Variants in ORC4 observed in about 807,000 individuals in gnomAD.
The protein encoded by ORC4 is origin recognition complex, subunit 4 homolog.
In ORC4, 55 loss-of-function variants were observed where a neutral mutation model predicts 63.9. The ratio of observed to expected loss-of-function variants is 0.86; its 90% CI spans 0.69 to 1.08. ORC4 has a LOEUF of 1.08. ORC4 is among the 50% of genes least tolerant of loss of function. ORC4 has a pLI of 0.00. For missense variants in ORC4, 511 were observed against 504.4 expected (o/e 1.01, Z -0.13); for synonymous variants, 150 against 168.5 (o/e 0.89, Z 0.85).
At chr2:148,000,940 C>T (rs571431284) in intron 1 of ORC4, among the ~76,000 whole-genome samples, 2 of 151,946 alleles carry the variant, frequency 1.3e-5, no homozygotes, top group South Asian at 2.1e-4. Flanking sequence ...AGAGATAATG[C>T]CTAAAACTGA....
At position 147,972,741 on chromosome 2, in the gene ORC4, T is replaced by C. The variant is rs754030709; in HGVS notation, c.223A>G (p.Met75Val). Residue 75 changes from methionine to valine, a missense_variant and splice_region_variant, in exon 4 of 14, where the codon ATG becomes GTG. Transcript: ENST00000392857. ...IIGPRGSGKT[M>V]LINHALKELM... is the part of the protein sequence containing the mutation. ...CACCAGAAATCAACAGCTTTTACCA[T>C]AGTTTTTCCTGATCCTCGGGGTCCG... 4.4e-6 allele frequency: 7 copies of C among 1,600,140 alleles called. No homozygotes were observed. The highest frequency in any genetic ancestry group is 1.7e-5 in the Admixed American group (1 of 59,900).
chr2:147,974,997 C>T (rs1038031785), intron 2 of ORC4, among the ~76,000 whole-genome samples: 4 of 151,978 alleles, frequency 2.6e-5, no homozygotes, highest in Admixed American at 6.6e-5. Flanking sequence ...ATGGAGGATT[C>T]GTGCACTTTA....
At chr2:147,940,575 A>C (rs1444281715) in intron 10 of ORC4, among the ~76,000 whole-genome samples, 1 of 152,084 alleles carries the variant, frequency 6.6e-6, no homozygotes, top group East Asian at 1.9e-4. Flanking sequence ...TGTGGTATAT[A>C]TATACTATGG....
intron 1 of ORC4, among the ~76,000 whole-genome samples, chr2:147,998,632 C>A (rs1448684693): frequency 6.6e-6 from 1 of 152,172 alleles, no homozygotes; most frequent in Non-Finnish European, 1.5e-5. Flanking sequence ...ACTTCTCAGT[C>A]TGCAGAACTG....
intron 1 of ORC4, among the ~76,000 whole-genome samples, chr2:147,989,976 G>A (rs562031155): frequency 6.0e-4 from 92 of 152,102 alleles, no homozygotes; most frequent in Non-Finnish European, 1.1e-3. Flanking sequence ...AGCAGATGGG[G>A]GCATTACTTT....
At chr2:147,954,788 T>C (rs1291156179) in intron 7 of ORC4, among the ~76,000 whole-genome samples, 1 of 152,124 alleles carries the variant, frequency 6.6e-6, no homozygotes, top group Non-Finnish European at 1.5e-5. Context: ...AACATAAAAA[T>C]AATAATTGTT....
intron 1 of ORC4, among the ~76,000 whole-genome samples, chr2:147,982,354 G>T (rs1355551674): frequency 6.6e-6 from 1 of 152,114 alleles, no homozygotes; most frequent in Non-Finnish European, 1.5e-5. Context: ...TGTAATAATT[G>T]TCTCCTAGAT....
At chr2:147,937,573 C>A (rs1688122373) in intron 13 of ORC4, among the ~76,000 whole-genome samples, 1 of 152,124 alleles carries the variant, frequency 6.6e-6, no homozygotes, top group Non-Finnish European at 1.5e-5. Flanking sequence ...TAGAATGACA[C>A]ATTTTTGATA....
intron 1 of ORC4, among the ~76,000 whole-genome samples, chr2:147,993,951 G>A (rs1054540033): frequency 3.3e-5 from 5 of 151,916 alleles, no homozygotes; most frequent in East Asian, 1.9e-4. Context: ...GATTATGCAC[G>A]TAGAAAATCC....
At position 147,941,680 on chromosome 2, in the gene ORC4, G is replaced by A. The variant is rs372159369; in HGVS notation, c.849+1756C>T. On this transcript the variant is annotated intron_variant, in intron 10 of 13. Transcript: ENST00000392857. ...AAGCCATTATTTAATTCATTACCAT[G>A]AATTAAAAATGTAATAGAAAAATGG... is the stretch of plus-strand genomic sequence containing the variant. 2.3e-4 allele frequency among the ~76,000 whole-genome samples: 35 copies of A among 151,790 alleles called. No individual in the cohort carries two copies. The East Asian group carries it at 6.0e-3, about 26-fold the overall frequency.
intron 4 of ORC4, among the ~76,000 whole-genome samples, chr2:147,969,325 T>C (rs1308673914): frequency 6.6e-6 from 1 of 152,062 alleles, no homozygotes; most frequent in Non-Finnish European, 1.5e-5. Context: ...ATGTTTGAGA[T>C]GATTGATATG....
At chr2:148,016,486 C>T (rs973762417) in intron 1 of ORC4, among the ~76,000 whole-genome samples, 4 of 152,176 alleles carry the variant, frequency 2.6e-5, no homozygotes, top group African/African-American at 9.7e-5. Flanking sequence ...AACACCCAAC[C>T]GCACACTGCA....
chr2:147,958,368 T>C lies in ORC4; in HGVS notation c.317A>G (p.Asn106Ser), dbSNP rs753213610. 1.1e-5 allele frequency: 18 copies of C among 1,611,640 alleles called. No individual in the cohort carries two copies. The highest frequency in any genetic ancestry group is 3.3e-5 in the Admixed American group (2 of 59,968). Residue 106 changes from asparagine (N) to serine (S), a missense_variant, in exon 6 of 14, where the codon AAT (asparagine) becomes AGT (serine). Physicochemically the swap from Asn to Ser is conservative, Grantham distance 46. Coordinates refer to ENST00000392857, the MANE Select transcript of ORC4 (RefSeq NM_181741.4). ...GATTTCCTTTAGGGCGATTTTGTCA[T>C]TGATCTGCAGCAGTCCTAAAATAAA... ...QVHLNGLLQINDKIALKEITR... is the reference protein window; with the variant it reads ...QVHLNGLLQISDKIALKEITR...
chr2:147,946,823 A>G (rs1246896164), intron 9 of ORC4, among the ~76,000 whole-genome samples: 1 of 151,986 alleles, frequency 6.6e-6, no homozygotes, highest in Non-Finnish European at 1.5e-5. Context: ...TTTAGCATGT[A>G]TATAAACTCT....
chr2:147,947,971 T>C, intron 9 of ORC4, 80 bp downstream of exon 9: 1 of 1,086,628 alleles, frequency 9.2e-7, no homozygotes, highest in Non-Finnish European at 1.4e-6. Flanking sequence ...TGTGTTAATT[T>C]ACTAATTTCT....
At chr2:147,972,643 AT>A in intron 4 of ORC4, 95 bp downstream of exon 4, 1 of 615,224 alleles carries the variant, frequency 1.6e-6, no homozygotes. Context: ...TATTTTCAGT[AT>A]TACATAAAAT....
intron 1 of ORC4, among the ~76,000 whole-genome samples, chr2:148,015,838 A>G (rs551900205): frequency 6.6e-6 from 1 of 152,342 alleles, no homozygotes; most frequent in East Asian, 1.9e-4. Context: ...CATTTGGCCC[A>G]GGAACTGCTA....
chr2:148,007,411 T>C (rs1692701640), intron 1 of ORC4, among the ~76,000 whole-genome samples: 1 of 152,112 alleles, frequency 6.6e-6, no homozygotes, highest in Admixed American at 6.5e-5. Context: ...ACTAAAATGA[T>C]GAACAAGCAG....
At chr2:147,981,314 C>A (rs528073917) in intron 1 of ORC4, among the ~76,000 whole-genome samples, 4 of 152,120 alleles carry the variant, frequency 2.6e-5, no homozygotes, top group African/African-American at 9.7e-5. Flanking sequence ...AGCATGGATA[C>A]GCTGGACGAA....
Sources: gnomAD v4.1 joint callset for allele counts (sites outside exome capture counted in the v4.1 genomes callset) on GRCh38, gnomAD v4.1.1 for gene constraint, MANE v1.5 for transcripts, NCBI Gene and HGNC (gene_info 2026-07-23, HGNC 2026-07-21) for gene names.